EXOC6B: variants seen among roughly 807,000 people sequenced by gnomAD.
The protein encoded by EXOC6B is exocyst complex component 6B, also known as SEC15 homolog B.
Under a neutral mutation model 113.5 loss-of-function variants are expected in EXOC6B, and 54 were observed. That is an observed-to-expected ratio of 0.48 (90% CI 0.38 to 0.60). The LOEUF is 0.60. EXOC6B is among the 20% of genes least tolerant of loss of function. EXOC6B has a pLI of 0.00. For missense variants in EXOC6B, 797 were observed against 977.5 expected (o/e 0.82, Z 2.46); for synonymous variants, 357 against 339.0 (o/e 1.05, Z -0.58).
At chr2:72,203,677 C>CA (rs1679640181) in intron 20 of EXOC6B, among the ~76,000 whole-genome samples, 1 of 152,196 alleles carries the variant, frequency 6.6e-6, no homozygotes, top group Non-Finnish European at 1.5e-5. Context: ...ACCAAGAATT[C>CA]ACTAAGCAAT....
intron 6 of EXOC6B, among the ~76,000 whole-genome samples, chr2:72,617,268 C>T (rs1001913993): frequency 6.6e-6 from 1 of 151,718 alleles, no homozygotes; most frequent in African/African-American, 2.4e-5. Flanking sequence ...GAGCATGGTG[C>T]AAGCTGTGGG....
At chr2:72,538,317 T>C (rs1166032573) in intron 8 of EXOC6B, among the ~76,000 whole-genome samples, 1 of 152,110 alleles carries the variant, frequency 6.6e-6, no homozygotes, top group Admixed American at 6.5e-5. Context: ...TATATATTCA[T>C]TGATATCTGA....
At chr2:72,267,746 A>G (rs1449392574) in intron 20 of EXOC6B, among the ~76,000 whole-genome samples, 1 of 152,188 alleles carries the variant, frequency 6.6e-6, no homozygotes, top group East Asian at 1.9e-4. Context: ...CATTTTGCCA[A>G]TGCCCTAGAG....
At chr2:72,733,672 T>G (rs1344377183) in intron 2 of EXOC6B, among the ~76,000 whole-genome samples, 3 of 152,208 alleles carry the variant, frequency 2.0e-5, no homozygotes, top group African/African-American at 7.2e-5. Context: ...CAAAAATTTG[T>G]GAATAAGCCC....
intron 19 of EXOC6B, among the ~76,000 whole-genome samples, chr2:72,340,679 G>A (rs564527075): frequency 6.6e-6 from 1 of 152,258 alleles, no homozygotes; most frequent in African/African-American, 2.4e-5. Context: ...AGCTATACTG[G>A]GTACTTGTTT....
At chr2:72,525,765 C>T (rs1186768177) in intron 8 of EXOC6B, among the ~76,000 whole-genome samples, 1 of 151,960 alleles carries the variant, frequency 6.6e-6, no homozygotes, top group East Asian at 1.9e-4. Context: ...ATCTCCCCAC[C>T]ACCCCCAAAT....
intron 6 of EXOC6B, among the ~76,000 whole-genome samples, chr2:72,677,273 T>C (rs1055372328): frequency 6.6e-6 from 1 of 152,098 alleles, no homozygotes; most frequent in African/African-American, 2.4e-5. Context: ...GGCTCGCATC[T>C]GTAATCCAGC....
chr2:72,579,391 G>A (rs1270389278), intron 6 of EXOC6B, among the ~76,000 whole-genome samples: 2 of 152,106 alleles, frequency 1.3e-5, no homozygotes, highest in African/African-American at 4.8e-5. Context: ...TTCTTAGACT[G>A]CCCCAAGTCC....
intron 19 of EXOC6B, among the ~76,000 whole-genome samples, chr2:72,344,081 G>T (rs964137542): frequency 1.1e-4 from 16 of 152,086 alleles, no homozygotes; most frequent in African/African-American, 3.4e-4. Context: ...CCCATTTGAT[G>T]GGTCTCACAT....
intron 6 of EXOC6B, among the ~76,000 whole-genome samples, chr2:72,649,868 CA>C (rs1012172497): frequency 9.6e-5 from 14 of 146,258 alleles, no homozygotes; most frequent in South Asian, 4.3e-4. Context: ...TAAACATAAG[CA>C]AAAAAAAAAT....
chr2:72,364,354 A>G (rs979374960), intron 19 of EXOC6B, among the ~76,000 whole-genome samples: 4 of 152,122 alleles, frequency 2.6e-5, no homozygotes, highest in Non-Finnish European at 5.9e-5. Flanking sequence ...TTCTAAATCA[A>G]TGAACCTTAG....
At chr2:72,572,233 T>C (rs1024573142) in intron 7 of EXOC6B, among the ~76,000 whole-genome samples, 1 of 152,170 alleles carries the variant, frequency 6.6e-6, no homozygotes, top group Non-Finnish European at 1.5e-5. Flanking sequence ...GTCTTGTAAC[T>C]CCAAGTGTGC....
At chr2:72,284,699 T>C (rs1400885911) in intron 20 of EXOC6B, among the ~76,000 whole-genome samples, 2 of 152,034 alleles carry the variant, frequency 1.3e-5, no homozygotes, top group Non-Finnish European at 2.9e-5. Context: ...TTTTTTCTTT[T>C]GTAGAAGACA....
chr2:72,306,892 A>G (rs1356864650), intron 20 of EXOC6B, among the ~76,000 whole-genome samples: 1 of 152,146 alleles, frequency 6.6e-6, no homozygotes, highest in East Asian at 1.9e-4. Flanking sequence ...TTTATTTAAG[A>G]TATTTGTATC....
chr2:72,769,259 TGGA>T (rs1257864962), intron 1 of EXOC6B, among the ~76,000 whole-genome samples: 1 of 151,688 alleles, frequency 6.6e-6, no homozygotes, highest in African/African-American at 2.4e-5. Context: ...AGCACAGAGA[TGGA>T]GGAGGAAATG....
At position 72,486,871 on chromosome 2, in the gene EXOC6B, CA is replaced by C. The variant is rs377740956; in HGVS notation, c.1665+5446del. ...TTATCTGTCCCATTAAAAAATAAAA[CA>C]AAAAAAAAAACCTGTCTTAACCGAC... On this transcript the variant is annotated intron_variant, in intron 16 of 21. Coordinates refer to ENST00000272427, the MANE Select transcript of EXOC6B (RefSeq NM_015189.3). 1.5e-3 allele frequency among the ~76,000 whole-genome samples: 212 copies of C among 144,162 alleles called. No homozygotes were observed. In the Middle Eastern group the frequency reaches 0.017, roughly 12 times the overall value. The allele number at this position is 144,162 out of a possible 152,430, so 94.6% of individuals were successfully genotyped here.
chr2:72,717,569 T>A (rs1679701491), intron 6 of EXOC6B, among the ~76,000 whole-genome samples: 1 of 152,218 alleles, frequency 6.6e-6, no homozygotes, highest in Non-Finnish European at 1.5e-5. Flanking sequence ...AAGATTTTTT[T>A]AACAAATGTA....
intron 8 of EXOC6B, among the ~76,000 whole-genome samples, chr2:72,520,906 C>A (rs2105714277): frequency 6.6e-6 from 1 of 152,146 alleles, no homozygotes; most frequent in Middle Eastern, 3.4e-3. Context: ...GTACAGCCAC[C>A]AGCAGTACCC....
chr2:72,784,439 A>T (rs1684255746), intron 1 of EXOC6B, among the ~76,000 whole-genome samples: 1 of 152,148 alleles, frequency 6.6e-6, no homozygotes, highest in African/African-American at 2.4e-5. Context: ...TGGGTAGTGT[A>T]TTAGTCCATT....
Sources: allele counts gnomAD v4.1 joint callset (sites outside exome capture counted in the v4.1 genomes callset), GRCh38; gene constraint gnomAD v4.1.1; transcripts MANE v1.5; gene names NCBI Gene and HGNC (gene_info 2026-07-23, HGNC 2026-07-21).